The following RLN2 variants were observed in gnomAD, a reference collection of about 807,000 sequenced individuals.
RLN2 encodes relaxin 2.
In RLN2, 10 loss-of-function variants were observed where a neutral mutation model predicts 7.3. The ratio of observed to expected loss-of-function variants is 1.36; its 90% CI spans 0.84 to 2.31. The LOEUF (loss-of-function observed/expected upper bound fraction) is 2.31, where lower values mean the gene tolerates loss of function less well. Among genes scored for constraint, RLN2 ranks in the 30% most tolerant of loss-of-function variants. The probability of loss-of-function intolerance (pLI) is 0.00; values close to 1 mark genes in which losing one functional copy is unlikely to be tolerated. For missense variants in RLN2, 298 were observed against 217.6 expected (o/e 1.37, Z -2.32); for synonymous variants, 103 against 82.3 (o/e 1.25, Z -1.36).
the RLN2 span, among the ~76,000 whole-genome samples, chr9:5,327,587 G>C: frequency 1.3e-5 from 2 of 152,050 alleles, no homozygotes; most frequent in Non-Finnish European, 2.9e-5. Flanking sequence ...TTTGGGAATG[G>C]ACAGACTGCC....
the RLN2 span, among the ~76,000 whole-genome samples, chr9:5,332,178 A>G: frequency 6.6e-6 from 1 of 152,074 alleles, no homozygotes; most frequent in Non-Finnish European, 1.5e-5. Context: ...TGAAATTTTA[A>G]AAAGTAAGAC....
chr9:5,318,407 T>C, the RLN2 span, among the ~76,000 whole-genome samples: 1 of 151,966 alleles, frequency 6.6e-6, no homozygotes, highest in Non-Finnish European at 1.5e-5. Flanking sequence ...TTTTTTTCTA[T>C]GGTTACTGTG....
chr9:5,323,704 T>C, the RLN2 span, among the ~76,000 whole-genome samples: 2 of 152,100 alleles, frequency 1.3e-5, no homozygotes, highest in Admixed American at 1.3e-4. Context: ...ACTAATGTCT[T>C]TAAATATGCA....
At chr9:5,327,002 C>T in the RLN2 span, among the ~76,000 whole-genome samples, 3 of 152,144 alleles carry the variant, frequency 2.0e-5, no homozygotes, top group East Asian at 5.8e-4. Flanking sequence ...GTGATTTCTG[C>T]ACTTCCAACT....
chr9:5,322,810 G>A, the RLN2 span, among the ~76,000 whole-genome samples: 7 of 151,866 alleles, frequency 4.6e-5, no homozygotes, highest in East Asian at 1.9e-4. Context: ...AAAAGAAGGC[G>A]CCACATGATG....
the RLN2 span, chr9:5,335,408 C>G: frequency 6.2e-7 from 1 of 1,613,574 alleles, no homozygotes; most frequent in South Asian, 1.1e-5. Flanking sequence ...TTGCCTATTG[C>G]GAATAAGTTT....
At chr9:5,324,172 T>A in the RLN2 span, among the ~76,000 whole-genome samples, 5 of 152,078 alleles carry the variant, frequency 3.3e-5, no homozygotes, top group African/African-American at 1.2e-4. Context: ...CAGTTACTAA[T>A]GTTAAAGTGC....
the RLN2 span, among the ~76,000 whole-genome samples, chr9:5,330,600 T>C: frequency 7.4e-6 from 1 of 135,494 alleles, no homozygotes; most frequent in African/African-American, 2.9e-5. Context: ...ATCACACCAC[T>C]GCACTCCAGC....
chr9:5,306,427 A>C (rs1816254077), upstream of RLN2, among the ~76,000 whole-genome samples: 1 of 151,904 alleles, frequency 6.6e-6, no homozygotes, highest in African/African-American at 2.4e-5. Context: ...AGAGTCCTTA[A>C]AACTGTCCAG....
At chr9:5,309,735 C>A in the RLN2 span, among the ~76,000 whole-genome samples, 3 of 152,146 alleles carry the variant, frequency 2.0e-5, no homozygotes, top group East Asian at 5.8e-4. Context: ...GTCTTTCCTG[C>A]TAGACTGTGA....
At chr9:5,319,437 T>C in the RLN2 span, among the ~76,000 whole-genome samples, 674 of 152,042 alleles carry the variant, frequency 4.4e-3, 6 homozygotes, top group African/African-American at 0.015. Context: ...TGAGGATTTT[T>C]TATGAGAAGT....
At chr9:5,332,213 C>T in the RLN2 span, among the ~76,000 whole-genome samples, 27 of 151,978 alleles carry the variant, frequency 1.8e-4, no homozygotes, top group East Asian at 4.2e-3. Flanking sequence ...AGGTGTACTC[C>T]CTTTTTTATA....
upstream of RLN2, among the ~76,000 whole-genome samples, chr9:5,307,490 A>C (rs1668001737): frequency 6.6e-6 from 1 of 151,880 alleles, no homozygotes; most frequent in African/African-American, 2.4e-5. Flanking sequence ...TACCACAGGA[A>C]ATCTTTGTAC....
chr9:5,329,576 C>T, the RLN2 span, among the ~76,000 whole-genome samples: 51 of 76,670 alleles, frequency 6.7e-4, no homozygotes, highest in South Asian at 5.7e-3. Context: ...ACCAAGGAAA[C>T]GGAGAGAAAA....
chr9:5,337,905 C>G, the RLN2 span, among the ~76,000 whole-genome samples: 1 of 151,982 alleles, frequency 6.6e-6, no homozygotes, highest in Non-Finnish European at 1.5e-5. Flanking sequence ...ACCAAAGAAT[C>G]TTTAAGTTTA....
At chr9:5,306,217 C>G (rs757054787), upstream of RLN2, among the ~76,000 whole-genome samples, 1 of 150,666 alleles carries the variant, frequency 6.6e-6, no homozygotes, top group Admixed American at 6.6e-5. Flanking sequence ...AAGCAATTCT[C>G]CTGCCTCAGC....
chr9:5,304,145 G>A (rs1435498063), intron 1 of RLN2: 2 of 423,802 alleles, frequency 4.7e-6, no homozygotes, highest in Admixed American at 1.0e-4. Context: ...TGTTCTCAGT[G>A]CTTTCCCTCC....
At chr9:5,323,897 G>A in the RLN2 span, among the ~76,000 whole-genome samples, 2 of 151,820 alleles carry the variant, frequency 1.3e-5, no homozygotes, top group African/African-American at 4.8e-5. Context: ...AAATACCTAA[G>A]GTTAGCCAGG....
the RLN2 span, among the ~76,000 whole-genome samples, chr9:5,331,818 A>C: frequency 6.6e-6 from 1 of 151,300 alleles, no homozygotes; most frequent in Non-Finnish European, 1.5e-5. Context: ...AAGTATAATA[A>C]ACAAACAAAG....
Sources: allele counts gnomAD v4.1 joint callset (sites outside exome capture counted in the v4.1 genomes callset), GRCh38; gene constraint gnomAD v4.1.1; transcripts MANE v1.5; gene names NCBI Gene and HGNC (gene_info 2026-07-23, HGNC 2026-07-21).